Variants in IL1RAPL2 observed in about 807,000 individuals in gnomAD.
IL1RAPL2 encodes the protein interleukin 1 receptor accessory protein like 2.
Under a neutral mutation model 44.1 loss-of-function variants are expected in IL1RAPL2, and 3 were observed. The observed-to-expected ratio is 0.07, with a 90% CI of 0.03 to 0.18. The LOEUF (loss-of-function observed/expected upper bound fraction) is 0.18. Among genes scored for constraint, IL1RAPL2 ranks in the 10% least tolerant of loss-of-function variants. IL1RAPL2 has a pLI of 1.00. For synonymous variants in IL1RAPL2, 181 were observed against 178.8 expected (o/e 1.01, Z -0.10); for missense variants, 391 against 496.4 (o/e 0.79, Z 2.02).
intron 2 of IL1RAPL2, among the ~76,000 whole-genome samples, chrX:105,050,680 A>G (rs990907231): frequency 8.9e-6 from 1 of 112,072 alleles, no homozygotes; most frequent in African/African-American, 3.2e-5. Flanking sequence ...AGGTCCAGGA[A>G]GAATGAGGTA....
intron 1 of IL1RAPL2, among the ~76,000 whole-genome samples, chrX:104,597,028 A>G (rs1177994005): frequency 9.0e-6 from 1 of 111,160 alleles, no homozygotes; most frequent in Non-Finnish European, 1.9e-5. Context: ...CCAAAGGAGA[A>G]CTATATGCTG....
At chrX:104,983,070 C>T (rs964025241) in intron 2 of IL1RAPL2, among the ~76,000 whole-genome samples, 1 of 110,781 alleles carries the variant, frequency 9.0e-6, no homozygotes, top group Non-Finnish European at 1.9e-5. Flanking sequence ...TGTCCATAAT[C>T]ATCACATTCC....
intron 2 of IL1RAPL2, among the ~76,000 whole-genome samples, chrX:105,023,686 A>G (rs1400613954): frequency 3.6e-5 from 4 of 111,676 alleles, no homozygotes; most frequent in African/African-American, 1.3e-4. Flanking sequence ...TTGGAAGATA[A>G]TATTAAACAT....
chrX:105,137,079 T>C (rs1602972419), intron 2 of IL1RAPL2, among the ~76,000 whole-genome samples: 1 of 111,411 alleles, frequency 9.0e-6, no homozygotes, highest in South Asian at 3.8e-4. Flanking sequence ...GAGAAGAGAA[T>C]CTTGATGAAA....
At position 105,407,373 on chromosome X, in the gene IL1RAPL2, G is replaced by A. The variant is rs1303746152; in HGVS notation, c.698-76940G>A. 2.7e-5 allele frequency among the ~76,000 whole-genome samples: 3 copies of A among 111,090 alleles called. No homozygotes were observed. The Admixed American group carries it at 2.9e-4, about 11-fold the overall frequency. On this transcript the variant is annotated intron_variant, in intron 5 of 10. Transcript: ENST00000372582. The stretch of plus-strand genomic sequence containing the variant: ...ATATTTGCTTTTAAATAGGAATGAT[G>A]TGGAAATACCATCTTGGTTTGAGAT...
At chrX:105,232,468 C>T (rs1556196665) in intron 3 of IL1RAPL2, among the ~76,000 whole-genome samples, 1 of 111,686 alleles carries the variant, frequency 9.0e-6, no homozygotes, top group African/African-American at 3.3e-5. Context: ...GCACGTATCC[C>T]TTGATGTTTA....
intron 6 of IL1RAPL2, among the ~76,000 whole-genome samples, chrX:105,678,349 CAA>C (rs1190825563): frequency 8.9e-6 from 1 of 112,131 alleles, no homozygotes; most frequent in Non-Finnish European, 1.9e-5. Context: ...GTGTTACAAA[CAA>C]TCCAGTTATA....
intron 5 of IL1RAPL2, among the ~76,000 whole-genome samples, chrX:105,294,141 A>G (rs2034637517): frequency 8.9e-6 from 1 of 112,207 alleles, no homozygotes; most frequent in South Asian, 3.7e-4. Context: ...TCCATTTACT[A>G]GAGCTCTGCT....
chrX:105,590,049 C>A (rs769949424), intron 6 of IL1RAPL2, among the ~76,000 whole-genome samples: 3 of 111,534 alleles, frequency 2.7e-5, no homozygotes, highest in South Asian at 7.5e-4. Context: ...TGTATGATTT[C>A]TTTGAGCAGT....
intron 2 of IL1RAPL2, among the ~76,000 whole-genome samples, chrX:104,945,007 A>G (rs1925306243): frequency 1.8e-5 from 2 of 111,818 alleles, no homozygotes; most frequent in Non-Finnish European, 3.8e-5. Flanking sequence ...TTTGAAAAGT[A>G]ATTAGCATAT....
intron 1 of IL1RAPL2, among the ~76,000 whole-genome samples, chrX:104,656,811 C>T (rs1017702880): frequency 3.6e-5 from 4 of 111,211 alleles, no homozygotes; most frequent in African/African-American, 9.8e-5. Context: ...TGGCAGTCTA[C>T]GTCTCTTTGT....
chrX:105,032,881 A>G (rs1465023663), intron 2 of IL1RAPL2, among the ~76,000 whole-genome samples: 1 of 109,912 alleles, frequency 9.1e-6, no homozygotes, highest in African/African-American at 3.4e-5. Context: ...GTAGGTCACT[A>G]AGGACTTGCT....
intron 2 of IL1RAPL2, among the ~76,000 whole-genome samples, chrX:105,029,768 G>A (rs1602901017): frequency 9.0e-6 from 1 of 111,170 alleles, no homozygotes; most frequent in Admixed American, 9.6e-5. Context: ...TATATACCCA[G>A]TAATGGGCTG....
At chrX:105,486,757 T>G (rs2036271157) in intron 6 of IL1RAPL2, among the ~76,000 whole-genome samples, 1 of 110,141 alleles carries the variant, frequency 9.1e-6, no homozygotes, top group South Asian at 3.8e-4. Context: ...TATCTATCTA[T>G]CTATCTATCT....
At chrX:104,696,399 T>C (rs1439401611) in intron 2 of IL1RAPL2, among the ~76,000 whole-genome samples, 2 of 112,033 alleles carry the variant, frequency 1.8e-5, no homozygotes, top group Non-Finnish European at 3.8e-5. Context: ...CTTAGGAGCT[T>C]ATTAGAAATG....
chrX:105,096,135 A>G lies in IL1RAPL2; in HGVS notation c.83-99340A>G, dbSNP rs184424179. 1.7e-3 allele frequency among the ~76,000 whole-genome samples: 186 copies of G among 112,337 alleles called. 1 individual carries two copies. Among genetic ancestry groups the G allele is most frequent in the African/African-American group, 5.7e-3 (175 of 30,953 alleles). ...GGAAACACAAAGTAAAATGACAATA[A>G]GATATCATTTAATATCACATGGAAT... On this transcript the variant is annotated intron_variant, in intron 2 of 10. Coordinates refer to ENST00000372582, the MANE Select transcript of IL1RAPL2 (RefSeq NM_017416.2).
intron 6 of IL1RAPL2, among the ~76,000 whole-genome samples, chrX:105,595,416 A>G (rs931911793): frequency 2.7e-5 from 3 of 111,965 alleles, no homozygotes; most frequent in African/African-American, 6.5e-5. Flanking sequence ...AGGCTGCCCA[A>G]TATAGGAATA....
rs1490641640 is a variant in IL1RAPL2 at position 105,042,709 on chromosome X, C to A, written c.83-152766C>A. Among the ~76,000 whole-genome samples the A allele has an allele frequency of 1.2e-3, 121 of 104,276 alleles. 2 individuals carry two copies. Among genetic ancestry groups the A allele is most frequent in the African/African-American group, 3.7e-3 (106 of 28,500 alleles). The allele number at this position is 104,276 out of a possible 115,157, so 90.6% of individuals were successfully genotyped here. ...TCTAGAACTAGAAATACCATTTGAC[C>A]CAGCCATCCCATTACTGGGTATATA... On this transcript the variant is annotated intron_variant, in intron 2 of 10. Transcript: ENST00000372582.
chrX:105,681,537 C>A (rs2037925591), intron 6 of IL1RAPL2, among the ~76,000 whole-genome samples: 1 of 112,237 alleles, frequency 8.9e-6, no homozygotes. Context: ...GCGGGTAGAT[C>A]ACCTGAGGTC....
Sources: gnomAD v4.1 joint callset for allele counts (sites outside exome capture counted in the v4.1 genomes callset) on GRCh38, gnomAD v4.1.1 for gene constraint, MANE v1.5 for transcripts, NCBI Gene and HGNC (gene_info 2026-07-23, HGNC 2026-07-21) for gene names.